Variants in PPTC7 observed in about 807,000 individuals in gnomAD.
The protein encoded by PPTC7 is protein phosphatase targeting COQ7.
In PPTC7, 6 loss-of-function variants were observed where a neutral mutation model predicts 30.8. The ratio of observed to expected loss-of-function variants is 0.19; its 90% CI spans 0.11 to 0.38. The LOEUF is 0.38. Ranked by LOEUF, PPTC7 falls within the 10% of genes least tolerant of loss-of-function variation. The probability of loss-of-function intolerance (pLI) is 1.00; values close to 1 mark genes in which losing one functional copy is unlikely to be tolerated. For synonymous variants in PPTC7, 163 were observed against 168.1 expected (o/e 0.97, Z 0.23); for missense variants, 218 against 404.8 (o/e 0.54, Z 3.96).
At chr12:110,561,375 G>A (rs568831742) in intron 1 of PPTC7, among the ~76,000 whole-genome samples, 68 of 151,560 alleles carry the variant, frequency 4.5e-4, no homozygotes, top group Admixed American at 8.6e-4. Flanking sequence ...GTGCAGTGGC[G>A]CAATCTCAGG....
At chr12:110,551,639 G>A (rs1306222903) in intron 2 of PPTC7, 150 bp downstream of exon 2, 11 of 696,854 alleles carry the variant, frequency 1.6e-5, no homozygotes, top group African/African-American at 3.6e-5. Flanking sequence ...GAGCCACTGC[G>A]CCCAGCGGTT....
chr12:110,575,224 G>C (rs2064578544), intron 1 of PPTC7, among the ~76,000 whole-genome samples: 2 of 151,972 alleles, frequency 1.3e-5, no homozygotes, highest in East Asian at 1.9e-4. Context: ...AATTTTGAAA[G>C]GCAAACTCAC....
chr12:110,564,109 A>T (rs1037323628), intron 1 of PPTC7, among the ~76,000 whole-genome samples: 7 of 152,246 alleles, frequency 4.6e-5, no homozygotes, highest in Admixed American at 3.9e-4. Flanking sequence ...TGCAGAGTTG[A>T]AGGTTAAGTT....
intron 1 of PPTC7, among the ~76,000 whole-genome samples, chr12:110,560,563 T>G (rs2064430808): frequency 6.6e-6 from 1 of 152,128 alleles, no homozygotes; most frequent in South Asian, 2.1e-4. Flanking sequence ...TCCAGTCCTG[T>G]CCTCCATTAA....
At chr12:110,540,560 CA>C (rs569534776) in intron 3 of PPTC7, among the ~76,000 whole-genome samples, 1 of 152,094 alleles carries the variant, frequency 6.6e-6, no homozygotes, top group Non-Finnish European at 1.5e-5. Context: ...CCACGTTGGC[CA>C]GGCTGGTCTT....
chr12:110,536,987 G>T lies in PPTC7; in HGVS notation c.*50C>A. ...CCTGCCAGCAGGATCAGCACACATG[G>T]CAGGGGAAATTTGGGATGATGAAAG... On this transcript the variant is annotated 3_prime_UTR_variant, in exon 6 of 6. Transcript: ENST00000354300. The T allele has an allele frequency of 7.1e-7, 1 of 1,414,362 alleles. No homozygotes were observed. The highest frequency in any genetic ancestry group is 1.0e-6 in the Non-Finnish European group (1 of 998,552). The allele number at this position is 1,414,362 out of a possible 1,614,324, so 87.6% of individuals were successfully genotyped here.
chr12:110,548,101 T>A, intron 2 of PPTC7, among the ~76,000 whole-genome samples: 1 of 150,150 alleles, frequency 6.7e-6, no homozygotes, highest in African/African-American at 2.5e-5. Context: ...TGCAAGACTC[T>A]GTCTCAAAAA....
intron 2 of PPTC7, among the ~76,000 whole-genome samples, chr12:110,547,580 A>C (rs1169855377): frequency 6.6e-6 from 1 of 152,260 alleles, no homozygotes; most frequent in Non-Finnish European, 1.5e-5. Context: ...CAACAAAAAA[A>C]GATGATGTCA....
rs1456462402 is a variant in PPTC7 at position 110,536,837 on chromosome 12, C to G, written c.*200G>C. 2.0e-6 allele frequency: 1 copy of G among 511,284 alleles called. No homozygotes were observed. Among genetic ancestry groups the G allele is most frequent in the Non-Finnish European group, 3.5e-6 (1 of 289,576 alleles). The allele number at this position is 511,284 out of a possible 1,614,324, so 31.7% of individuals were successfully genotyped here. The stretch of plus-strand genomic sequence containing the variant: ...TTCAAATATTGGATCTCTTCAATTG[C>G]TGCCGGCAGATATGAGCTAGTGAAT... On this transcript the variant is annotated 3_prime_UTR_variant, in exon 6 of 6. Coordinates refer to ENST00000354300, the MANE Select transcript of PPTC7 (RefSeq NM_139283.2).
chr12:110,571,432 T>C (rs1363587199), intron 1 of PPTC7, among the ~76,000 whole-genome samples: 1 of 151,826 alleles, frequency 6.6e-6, no homozygotes, highest in East Asian at 1.9e-4. Flanking sequence ...TAGAACCATT[T>C]CAAACAGAAG....
At position 110,582,982 on chromosome 12, in the gene PPTC7, C is replaced by T; in HGVS notation, c.50G>A (p.Gly17Asp). The change falls in exon 1 of 6, where the codon GGC (glycine) becomes GAC (aspartate). Residue 17 changes from glycine (G) to aspartate (D), a missense_variant. Physicochemically the swap from Gly to Asp is moderately conservative, Grantham distance 94. Transcript: ENST00000354300. ...YGRLVARAVLGGLSQTDPRAG... is the reference protein window; with the variant it reads ...YGRLVARAVLDGLSQTDPRAG... ...CCTGGGGTCGGTCTGCGAGAGGCCG[C>T]CGAGCACGGCGCGGGCCACCAGCCG... 2 of 1,525,160 alleles carry T rather than the reference C, an allele frequency of 1.3e-6. No individual in the cohort carries two copies. Among genetic ancestry groups the T allele is most frequent in the Non-Finnish European group, 1.8e-6 (2 of 1,136,846 alleles). The allele number at this position is 1,525,160 out of a possible 1,614,324, so 94.5% of individuals were successfully genotyped here.
chr12:110,582,812 G>A lies in PPTC7; in HGVS notation c.220C>T (p.Leu74Phe). Residue 74 changes from leucine (L) to phenylalanine (F), a missense_variant, in exon 1 of 6, where the codon CTC (leucine) becomes TTC (phenylalanine). Leu to Phe is a conservative substitution (Grantham distance 22, BLOSUM62 0). Coordinates refer to ENST00000354300, the MANE Select transcript of PPTC7 (RefSeq NM_139283.2). ...GGGAACCGGGTCGGGGACTCACCGA[G>A]CACGTCCGCGGAACGGTGCCGGGCC... ...FVARHRSADVLGVADGVGGWR... is the reference protein window; with the variant it reads ...FVARHRSADVFGVADGVGGWR... 1 of 1,557,370 alleles carries A rather than the reference G, an allele frequency of 6.4e-7. No individual in the cohort carries two copies.
chr12:110,578,568 TTTAAA>T (rs1593169524), intron 1 of PPTC7, among the ~76,000 whole-genome samples: 1 of 152,134 alleles, frequency 6.6e-6, no homozygotes, highest in African/African-American at 2.4e-5. Context: ...ACAGATCAAT[TTTAAA>T]TTAAAGAAAC....
At chr12:110,543,202 G>A (rs541450908) in intron 3 of PPTC7, among the ~76,000 whole-genome samples, 1 of 152,288 alleles carries the variant, frequency 6.6e-6, no homozygotes, top group East Asian at 1.9e-4. Flanking sequence ...ATGCCTATGA[G>A]GATTCACACT....
chr12:110,557,087 A>G (rs892253305), intron 1 of PPTC7, among the ~76,000 whole-genome samples: 2 of 152,210 alleles, frequency 1.3e-5, no homozygotes. Flanking sequence ...CAAGAATGCC[A>G]GTTCAAGAAC....
intron 1 of PPTC7, among the ~76,000 whole-genome samples, chr12:110,556,635 C>T (rs2064389603): frequency 6.6e-6 from 1 of 152,164 alleles, no homozygotes; most frequent in Non-Finnish European, 1.5e-5. Context: ...CCAAAGATGT[C>T]AGGAACACAA....
intron 2 of PPTC7, among the ~76,000 whole-genome samples, chr12:110,550,291 C>T (rs1287709387): frequency 2.2e-5 from 3 of 133,492 alleles, no homozygotes; most frequent in Admixed American, 8.7e-5. Flanking sequence ...AGTGCAGTGG[C>T]GCGATTTTGG....
chr12:110,570,414 G>A (rs2064524743), intron 1 of PPTC7, among the ~76,000 whole-genome samples: 1 of 35,192 alleles, frequency 2.8e-5, no homozygotes, highest in Admixed American at 2.4e-4. Context: ...ATATGGCCTC[G>A]TGGGAAGGGA....
Position 110,545,893 on chromosome 12 carries a change from C to T in PPTC7, c.589G>A (p.Val197Ile), listed in dbSNP as rs192274816. 67 of 1,613,366 alleles carry T rather than the reference C, an allele frequency of 4.2e-5. 1 individual carries two copies. Among genetic ancestry groups the T allele is most frequent in the Admixed American group, 3.3e-4 (20 of 60,006 alleles). The change falls in exon 3 of 6, where the codon GTC (valine) becomes ATC (isoleucine). Residue 197 changes from valine to isoleucine, a missense_variant. Val to Ile is a conservative substitution (Grantham distance 29). Transcript: ENST00000354300. ...AGGGGAGATTACCTGTCGCTCAAGA[C>T]GACTCCCTCGGCTTCAGGGGGAGCG... ...SIAPPEAEGV[V>I]LSDSPDAADS... is the part of the protein sequence containing the mutation.
Sources: gnomAD v4.1 joint callset for allele counts (sites outside exome capture counted in the v4.1 genomes callset) on GRCh38, gnomAD v4.1.1 for gene constraint, MANE v1.5 for transcripts, NCBI Gene and HGNC (gene_info 2026-07-23, HGNC 2026-07-21) for gene names.